PDE11A: variants seen among roughly 807,000 people sequenced by gnomAD.
PDE11A encodes the protein dual 3',5'-cyclic-AMP and -GMP phosphodiesterase 11A.
A neutral mutation model predicts 100.5 loss-of-function variants in PDE11A; 100 were observed. That is an observed-to-expected ratio of 1.00 (90% confidence interval 0.85 to 1.18). The LOEUF (loss-of-function observed/expected upper bound fraction) is 1.18, where lower values mean the gene tolerates loss of function less well. Ranked by LOEUF, PDE11A falls within the 50% of genes most tolerant of loss-of-function variation. The probability of loss-of-function intolerance (pLI) is 0.00; values close to 1 mark genes in which losing one functional copy is unlikely to be tolerated. For synonymous variants in PDE11A, 381 were observed against 420.8 expected (o/e 0.91, Z 1.16); for missense variants, 1,141 against 1,152.6 (o/e 0.99, Z 0.15).
At chr2:177,894,739 A>G (rs148262753) in intron 4 of PDE11A, among the ~76,000 whole-genome samples, 37 of 152,330 alleles carry the variant, frequency 2.4e-4, no homozygotes, top group African/African-American at 8.9e-4. Context: ...GCAGGCCACC[A>G]ATCTTGCTAC....
chr2:178,022,380 G>A (rs1036287844), intron 1 of PDE11A, among the ~76,000 whole-genome samples: 12 of 152,162 alleles, frequency 7.9e-5, no homozygotes, highest in East Asian at 3.8e-4. Flanking sequence ...TATGAGTTTC[G>A]TTGTGGACAT....
At chr2:177,657,239 G>C (rs1458098393) in intron 19 of PDE11A, among the ~76,000 whole-genome samples, 3 of 152,168 alleles carry the variant, frequency 2.0e-5, no homozygotes, top group Non-Finnish European at 4.4e-5. Context: ...TCAGCACTCA[G>C]ATTTGGGTAC....
chr2:177,867,182 C>T (rs3951527), intron 5 of PDE11A, among the ~76,000 whole-genome samples: 48,396 of 151,960 alleles, frequency 0.32, 7,992 homozygotes, highest in Middle Eastern at 0.43. Flanking sequence ...ATCTAAGGGA[C>T]ACACAATAAA....
At chr2:177,820,471 A>G (rs2083120926) in intron 6 of PDE11A, among the ~76,000 whole-genome samples, 176 bp from the exon 7 acceptor site, 1 of 152,002 alleles carries the variant, frequency 6.6e-6, no homozygotes. Flanking sequence ...ATCACAATGA[A>G]CATCCTAAAG....
chr2:177,817,925 C>A lies in PDE11A; in HGVS notation c.1577G>T (p.Gly526Val). Residue 526 changes from glycine (G) to valine (V), a missense_variant and splice_region_variant, in exon 8 of 20, where the codon GGA becomes GTA. Transcript: ENST00000286063. The part of the protein sequence containing the change: ...PIWNSNHQII[G>V]VAQVLNRLDG... ...AAGTCTGTTTAACACTTGAGCCACT[C>A]CTATGGGGAAAGAGTGGATTATGTG... 1 of 1,453,654 alleles carries A rather than the reference C, an allele frequency of 6.9e-7. No individual in the cohort carries two copies. The highest frequency in any genetic ancestry group is 9.7e-7 in the Non-Finnish European group (1 of 1,035,844). 90.0% of individuals were successfully genotyped at this position (1,453,654 alleles called of 1,614,324 possible).
rs200167106 is a variant in PDE11A at position 177,738,143 on chromosome 2, T to TC, written c.1789-9972_1789-9971insG. Among the ~76,000 whole-genome samples, 880 of 151,656 alleles carry TC rather than the reference T, an allele frequency of 5.8e-3. 4 individuals carry two copies. Among genetic ancestry groups the TC allele is most frequent in the African/African-American group, 0.02 (839 of 41,402 alleles). On this transcript the variant is annotated intron_variant, in intron 10 of 19. Coordinates refer to ENST00000286063, the MANE Select transcript of PDE11A (RefSeq NM_016953.4). ...TTTGTGTGAATCCGGTGCTCCATTT[T>TC]TTATACATCAGTGGGGCAGTTTTTA...
chr2:177,889,191 T>C (rs1444721876), intron 4 of PDE11A, among the ~76,000 whole-genome samples: 1 of 152,160 alleles, frequency 6.6e-6, no homozygotes. Flanking sequence ...AATTATAGGG[T>C]CACATTTTCT....
At chr2:177,829,349 C>G (rs984974014) in intron 6 of PDE11A, among the ~76,000 whole-genome samples, 27 of 152,080 alleles carry the variant, frequency 1.8e-4, no homozygotes, top group African/African-American at 6.3e-4. Flanking sequence ...TTACTTTTTT[C>G]TTGTAGACAT....
chr2:177,771,559 T>A (rs1277774584), intron 9 of PDE11A, among the ~76,000 whole-genome samples: 1 of 152,088 alleles, frequency 6.6e-6, no homozygotes, highest in East Asian at 1.9e-4. Context: ...TACACAGGCA[T>A]CTCCTGCTTA....
At chr2:177,964,115 A>G (rs1035492393) in intron 2 of PDE11A, among the ~76,000 whole-genome samples, 2 of 150,282 alleles carry the variant, frequency 1.3e-5, no homozygotes, top group African/African-American at 4.9e-5. Flanking sequence ...AAGTCAAATA[A>G]TCAACAGGAT....
chr2:178,086,008 T>C (rs1269876078), intron 2 of PDE11A, among the ~76,000 whole-genome samples: 1 of 152,220 alleles, frequency 6.6e-6, no homozygotes, highest in Non-Finnish European at 1.5e-5. Context: ...TGAAGTCACC[T>C]GGAGACTTGA....
At chr2:177,917,323 C>A (rs1183475200) in intron 2 of PDE11A, among the ~76,000 whole-genome samples, 1 of 152,194 alleles carries the variant, frequency 6.6e-6, no homozygotes, top group Non-Finnish European at 1.5e-5. Flanking sequence ...TTGATTTCCC[C>A]TGCTCCAGCA....
chr2:177,924,485 G>A (rs1479159894), intron 2 of PDE11A, among the ~76,000 whole-genome samples: 1 of 152,166 alleles, frequency 6.6e-6, no homozygotes, highest in African/African-American at 2.4e-5. Context: ...ATGGCCACGA[G>A]AGCTAGAGAA....
At chr2:177,863,665 G>A (rs568893314) in intron 5 of PDE11A, among the ~76,000 whole-genome samples, 22 of 151,994 alleles carry the variant, frequency 1.4e-4, no homozygotes, top group African/African-American at 5.3e-4. Context: ...CATTAGGGTG[G>A]CTACTATCAA....
chr2:177,627,777 C>T lies in PDE11A; in HGVS notation c.*1630G>A, dbSNP rs2079858670. The T allele has an allele frequency of 6.6e-6, 1 of 152,186 alleles. No individual in the cohort carries two copies. Among genetic ancestry groups the T allele is most frequent in the Non-Finnish European group, 1.5e-5 (1 of 68,060 alleles). 9.4% of individuals were successfully genotyped at this position (152,186 alleles called of 1,614,324 possible). On this transcript the variant is annotated 3_prime_UTR_variant, in exon 20 of 20. Transcript: ENST00000286063. ...TGGAGAATTGCTTGAACCCAGGAAGCAGAGGTTGCAGTAAGCCGAGATCAC... is the reference window on the plus strand; with the variant it reads ...TGGAGAATTGCTTGAACCCAGGAAGTAGAGGTTGCAGTAAGCCGAGATCAC...
chr2:177,937,386 C>T (rs377554066), intron 2 of PDE11A, among the ~76,000 whole-genome samples: 88 of 143,788 alleles, frequency 6.1e-4, no homozygotes, highest in African/African-American at 2.1e-3. Flanking sequence ...GGTGCAATCT[C>T]GGCTCACTAC....
intron 12 of PDE11A, among the ~76,000 whole-genome samples, chr2:177,719,984 G>A (rs1323773008): frequency 6.6e-6 from 1 of 151,954 alleles, no homozygotes; most frequent in Non-Finnish European, 1.5e-5. Context: ...AATGGAAGCT[G>A]ATGGTTCTAT....
intron 12 of PDE11A, chr2:177,723,394 T>C (rs1337303804): frequency 3.3e-5 from 5 of 152,174 alleles, no homozygotes; most frequent in African/African-American, 1.2e-4. Context: ...TTTGCTGTGA[T>C]ACTTGGTTAT....
At chr2:177,637,464 G>T (rs1037536504) in intron 19 of PDE11A, among the ~76,000 whole-genome samples, 5 of 152,056 alleles carry the variant, frequency 3.3e-5, no homozygotes, top group Non-Finnish European at 5.9e-5. Flanking sequence ...GCACTGAAAA[G>T]GTATTTGCAT....
Sources: allele counts gnomAD v4.1 joint callset (sites outside exome capture counted in the v4.1 genomes callset), GRCh38; gene constraint gnomAD v4.1.1; transcripts MANE v1.5; gene names NCBI Gene and HGNC (gene_info 2026-07-23, HGNC 2026-07-21).